Variants in NAA40 observed in about 807,000 individuals in gnomAD.
The protein encoded by NAA40 is N-alpha-acetyltransferase 40, NatD catalytic subunit, also known as N-alpha-acetyltransferase 40.
Under a neutral mutation model 36.6 loss-of-function variants are expected in NAA40, and 26 were observed. The observed-to-expected ratio is 0.71, with a 90% CI of 0.52 to 0.98. The LOEUF is 0.98. Among genes scored for constraint, NAA40 ranks in the 50% least tolerant of loss-of-function variants. The pLI, the probability that NAA40 is intolerant of heterozygous loss-of-function variation, is 0.00. For missense variants in NAA40, 237 were observed against 306.5 expected (o/e 0.77, Z 1.69); for synonymous variants, 129 against 108.4 (o/e 1.19, Z -1.18).
Position 63,952,761 on chromosome 11 carries a change from A to G in NAA40, c.416A>G (p.Glu139Gly). The change falls in exon 6 of 8, where the codon GAA becomes GGA. Residue 139 changes from glutamate to glycine, a missense_variant. Transcript: ENST00000377793. ...TCTCTGCTTTCTTCACCTAGCTATG[A>G]AGTGCAGTTGGAAAGCAAGGTGCGG... Reference protein sequence around the residue: ...ECGDEVLYCYEVQLESKVRRK... With the variant: ...ECGDEVLYCYGVQLESKVRRK... 1.2e-6 allele frequency: 2 copies of G among 1,614,126 alleles called. No individual in the cohort carries two copies. Among genetic ancestry groups the G allele is most frequent in the South Asian group, 1.1e-5 (1 of 91,068 alleles).
At position 63,953,957 on chromosome 11, in the gene NAA40, TCTG is replaced by T. The variant is rs1433584400; in HGVS notation, c.495-12_495-10del. Reference sequence around the variant, plus strand: ...GTTTCTCTTTCTAAAAGGCGTTTGCTCTGCTTTCTTCCAGCACACAGATGAAGA... The same window carrying T: ...GTTTCTCTTTCTAAAAGGCGTTTGCTCTTTCTTCCAGCACACAGATGAAGA... On this transcript the variant is annotated splice_polypyrimidine_tract_variant and intron_variant, in intron 6 of 7. Transcript: ENST00000377793. The T allele has an allele frequency of 6.2e-7, 1 of 1,613,134 alleles. No homozygotes were observed. The highest frequency in any genetic ancestry group is 2.2e-5 in the East Asian group (1 of 44,882).
intron 6 of NAA40, among the ~76,000 whole-genome samples, chr11:63,953,442 C>G (rs1322202381): frequency 6.6e-6 from 1 of 152,186 alleles, no homozygotes; most frequent in African/African-American, 2.4e-5. Flanking sequence ...CTGGAAGAAG[C>G]CAGTCTGGTC....
rs368562592 is a variant in NAA40 at position 63,948,043 on chromosome 11, T to A, written c.155+1040T>A. Among the ~76,000 whole-genome samples the A allele has an allele frequency of 6.6e-5, 10 of 151,118 alleles. No homozygotes were observed. In the South Asian group the frequency reaches 1.3e-3, roughly 19 times the overall value. On this transcript the variant is annotated intron_variant, in intron 3 of 7. Transcript: ENST00000377793. ...CTAATTTTTGTATTTTTAGTAGAGATGGGGTTTCACCATGTTGGCCAGGCT... is the reference window on the plus strand; with the variant it reads ...CTAATTTTTGTATTTTTAGTAGAGAAGGGGTTTCACCATGTTGGCCAGGCT...
chr11:63,946,853 T>A (rs1942195362), intron 2 of NAA40, 98 bp from the exon 3 acceptor site: 1 of 1,605,446 alleles, frequency 6.2e-7, no homozygotes, highest in African/African-American at 1.3e-5. Flanking sequence ...CCGTTGTGGG[T>A]CCCCACAGCA....
intron 1 of NAA40, among the ~76,000 whole-genome samples, chr11:63,939,811 G>GTGCGGGGAAGA (rs1337482936): frequency 6.6e-6 from 1 of 152,158 alleles, no homozygotes; most frequent in Admixed American, 6.6e-5. Flanking sequence ...CTGTGCAGGT[G>GTGCGGGGAAGA]TGCGGGGAAG....
Position 63,952,445 on chromosome 11 carries a change from A to G in NAA40, c.290A>G (p.Lys97Arg). The change falls in exon 5 of 8, where the codon AAA becomes AGA. Residue 97 changes from lysine (K) to arginine (R), a missense_variant. By Grantham distance (26) the Lys-to-Arg change is conservative (BLOSUM62 2). Transcript: ENST00000377793. Reference sequence around the variant, plus strand: ...GAGTGGGGCTGGAAGGACCGAGAGAAACGGGAGGAAATGACAGATGACCGA... The same window carrying G: ...GAGTGGGGCTGGAAGGACCGAGAGAGACGGGAGGAAATGACAGATGACCGA... The part of the protein sequence containing the change: ...QSEWGWKDRE[K>R]REEMTDDRAW... The G allele has an allele frequency of 6.2e-7, 1 of 1,614,200 alleles. No individual in the cohort carries two copies.
At position 63,952,293 on chromosome 11, in the gene NAA40, G is replaced by T. The variant is rs756901436; in HGVS notation, c.211G>T (p.Asp71Tyr). Residue 71 changes from aspartate to tyrosine, a missense_variant, in exon 4 of 8, where the codon GAT becomes TAT. Coordinates refer to ENST00000377793, the MANE Select transcript of NAA40 (RefSeq NM_024771.4). ...GTCTGGACTGGAGCCAGCCACCGTG[G>T]ATTGGGCCTTCGACCTGACCAAAAC... Reference protein sequence around the residue: ...RVSGLEPATVDWAFDLTKTNM... With the variant: ...RVSGLEPATVYWAFDLTKTNM... 1.2e-6 allele frequency: 2 copies of T among 1,613,956 alleles called. No homozygotes were observed. Among genetic ancestry groups the T allele is most frequent in the South Asian group, 1.1e-5 (1 of 91,032 alleles).
At chr11:63,942,011 A>G (rs1191610457) in intron 1 of NAA40, among the ~76,000 whole-genome samples, 3 of 152,172 alleles carry the variant, frequency 2.0e-5, no homozygotes, top group Non-Finnish European at 4.4e-5. Context: ...TATACATGTG[A>G]TTGTGACATG....
In NAA40 at chr11:63,954,582, C is replaced by A; in HGVS notation, c.*103C>A. On this transcript the variant is annotated 3_prime_UTR_variant, in exon 8 of 8. Coordinates refer to ENST00000377793, the MANE Select transcript of NAA40 (RefSeq NM_024771.4). Reference sequence around the variant, plus strand: ...GTCCTCAGAGCTGTGGCCTCCCCAGCCCTGCACGTGCCAGGCTGCGCCCTG... The same window carrying A: ...GTCCTCAGAGCTGTGGCCTCCCCAGACCTGCACGTGCCAGGCTGCGCCCTG... 1 of 1,353,428 alleles carries A rather than the reference C, an allele frequency of 7.4e-7. No homozygotes were observed. Among genetic ancestry groups the A allele is most frequent in the Non-Finnish European group, 9.8e-7 (1 of 1,018,494 alleles). 83.8% of individuals were successfully genotyped at this position (1,353,428 alleles called of 1,614,324 possible).
intron 2 of NAA40, chr11:63,946,457 G>T (rs1942188405): frequency 1.1e-6 from 1 of 946,932 alleles, no homozygotes; most frequent in Non-Finnish European, 1.3e-6. Context: ...CACCTGCCTT[G>T]GCCTCCCAAA....
rs1047403957 is a variant in NAA40 at position 63,953,999 on chromosome 11, A to G, written c.522A>G (p.Thr174=). The change falls in exon 7 of 8, where the codon ACA becomes ACG. Residue 174 remains threonine, a synonymous_variant. Coordinates refer to ENST00000377793, the MANE Select transcript of NAA40 (RefSeq NM_024771.4). ...CACAGATGAAGAAGGTTATGTTAACAGTATTTAAACACAATCATGGTGCCT... is the reference window on the plus strand; with the variant it reads ...CACAGATGAAGAAGGTTATGTTAACGGTATTTAAACACAATCATGGTGCCT... ...NSTQMKKVML[T]VFKHNHGAYQ... is the part of the protein sequence containing the mutation. 3.7e-6 allele frequency: 6 copies of G among 1,614,126 alleles called. No individual in the cohort carries two copies. Among genetic ancestry groups the G allele is most frequent in the Non-Finnish European group, 5.1e-6 (6 of 1,180,018 alleles).
chr11:63,942,336 C>T (rs1942121546), intron 1 of NAA40, among the ~76,000 whole-genome samples: 1 of 152,172 alleles, frequency 6.6e-6, no homozygotes, highest in Admixed American at 6.6e-5. Context: ...AAAGCACCGG[C>T]AGAAGATCTG....
intron 1 of NAA40, 95 bp downstream of exon 1, chr11:63,939,197 A>T: frequency 6.0e-6 from 5 of 833,320 alleles, no homozygotes; most frequent in Non-Finnish European, 6.2e-6. Context: ...CGTGACCCCG[A>T]CCCCCTCCAG....
chr11:63,940,762 G>C (rs889523774), intron 1 of NAA40, among the ~76,000 whole-genome samples: 2 of 151,470 alleles, frequency 1.3e-5, no homozygotes, highest in Non-Finnish European at 2.9e-5. Flanking sequence ...AAAAATAGTT[G>C]TCTAATCCGT....
chr11:63,939,564 C>T (rs1244943352), intron 1 of NAA40: 4 of 880,460 alleles, frequency 4.5e-6, no homozygotes, highest in Admixed American at 1.2e-4. Flanking sequence ...CAGACCCCAC[C>T]TTGGGCCTCC....
chr11:63,943,506 G>T (rs930471200), intron 1 of NAA40, among the ~76,000 whole-genome samples: 2 of 152,220 alleles, frequency 1.3e-5, no homozygotes, highest in Admixed American at 6.5e-5. Flanking sequence ...GTAGGGGACA[G>T]TGTGGCCAGT....
intron 1 of NAA40, 164 bp downstream of exon 1, chr11:63,939,266 C>A: frequency 5.4e-6 from 7 of 1,304,364 alleles, no homozygotes; most frequent in South Asian, 1.9e-5. Flanking sequence ...GGTCCCTACG[C>A]TAGGCCTAGC....
At chr11:63,953,429 G>A (rs1942313508) in intron 6 of NAA40, among the ~76,000 whole-genome samples, 1 of 152,172 alleles carries the variant, frequency 6.6e-6, no homozygotes, top group Admixed American at 6.6e-5. Flanking sequence ...AAACATCCTT[G>A]CTCTGGAAGA....
At chr11:63,954,289 A>G (rs1176965036) in intron 7 of NAA40, 49 bp from the exon 8 acceptor site, 4 of 1,543,092 alleles carry the variant, frequency 2.6e-6, no homozygotes, top group Non-Finnish European at 2.6e-6. Flanking sequence ...CCAGGGAGGA[A>G]GGCACTCAGC....
Sources: gnomAD v4.1 joint callset for allele counts (sites outside exome capture counted in the v4.1 genomes callset) on GRCh38, gnomAD v4.1.1 for gene constraint, MANE v1.5 for transcripts, NCBI Gene and HGNC (gene_info 2026-07-23, HGNC 2026-07-21) for gene names.